Variants in MCPH1 observed in about 807,000 individuals in gnomAD.
MCPH1 encodes the protein microcephalin 1, also known as microcephalin.
A neutral mutation model predicts 84.5 loss-of-function variants in MCPH1; 104 were observed. The ratio of observed to expected loss-of-function variants is 1.23; its 90% confidence interval spans 1.05 to 1.45. The LOEUF (loss-of-function observed/expected upper bound fraction) is 1.45, where lower values mean the gene tolerates loss of function less well. Ranked by LOEUF, MCPH1 falls within the 40% of genes most tolerant of loss-of-function variation. MCPH1 has a pLI of 0.00. For synonymous variants in MCPH1, 514 were observed against 366.8 expected, an observed-to-expected ratio of 1.40 and a Z score of -4.58; for missense variants, 1,498 against 1,005.7, an observed-to-expected ratio of 1.49 and a Z score of -6.62.
rs1465638999 is a variant in MCPH1, at chr8:6,646,931, T to A, written c.*3882T>A. ...TTTCTTAGATATGACACTAAAGGCATAATTCATTAAAAAAATAAGTTGGGC... is the reference window on the plus strand; with the variant it reads ...TTTCTTAGATATGACACTAAAGGCAAAATTCATTAAAAAAATAAGTTGGGC... On this transcript the variant is annotated 3_prime_UTR_variant, in exon 14 of 14. Transcript: ENST00000344683. 1.3e-5 allele frequency: 2 copies of A among 152,118 alleles called. No homozygotes were observed. The highest frequency in any genetic ancestry group is 4.1e-4 in the South Asian group (2 of 4,828). The allele number at this position is 152,118 out of a possible 1,614,324, so 9.4% of individuals were successfully genotyped here. A position where few individuals can be genotyped will look rare whatever the true frequency, so the allele number is the denominator to read the frequency against.
chr8:6,553,021 T>A (rs907384060), intron 12 of MCPH1, among the ~76,000 whole-genome samples: 1 of 152,182 alleles, frequency 6.6e-6, no homozygotes, highest in African/African-American at 2.4e-5. Flanking sequence ...TGTGTGATGC[T>A]ACAATGGTGG....
At chr8:6,496,239 C>G (rs780894141) in intron 11 of MCPH1, among the ~76,000 whole-genome samples, 1 of 152,142 alleles carries the variant, frequency 6.6e-6, no homozygotes, top group African/African-American at 2.4e-5. Flanking sequence ...AGCATGCAAC[C>G]TAGATCCCTC....
intron 7 of MCPH1, among the ~76,000 whole-genome samples, chr8:6,442,359 T>TC (rs61663152): frequency 4.4e-4 from 67 of 152,074 alleles, no homozygotes; most frequent in Non-Finnish European, 9.4e-4. Context: ...AGGTTTTTTT[T>TC]CCTAGGCATT....
chr8:6,584,369 T>A (rs2515527), intron 12 of MCPH1, among the ~76,000 whole-genome samples: 150,039 of 152,272 alleles, frequency 0.99, 73,950 homozygotes, highest in Middle Eastern at 1. Flanking sequence ...ATGCAAACAG[T>A]AGTCGCCCCC....
intron 3 of MCPH1, among the ~76,000 whole-genome samples, chr8:6,431,229 G>A (rs1246670172): frequency 6.6e-6 from 1 of 152,038 alleles, no homozygotes; most frequent in African/African-American, 2.4e-5. Flanking sequence ...TAATTTTGAA[G>A]TATGCTACAA....
intron 12 of MCPH1, among the ~76,000 whole-genome samples, chr8:6,543,238 C>T (rs769709576): frequency 3.9e-5 from 6 of 152,180 alleles, no homozygotes; most frequent in Admixed American, 2.0e-4. Context: ...TTAATTTACA[C>T]GAAGACTCAG....
At chr8:6,472,176 C>A (rs1037691740) in intron 9 of MCPH1, among the ~76,000 whole-genome samples, 1 of 152,030 alleles carries the variant, frequency 6.6e-6, no homozygotes, top group African/African-American at 2.4e-5. Flanking sequence ...ACAAAATAGT[C>A]CCAAGACATA....
chr8:6,560,604 C>T (rs1382457229), intron 12 of MCPH1, among the ~76,000 whole-genome samples: 1 of 152,110 alleles, frequency 6.6e-6, no homozygotes, highest in Admixed American at 6.5e-5. Context: ...AAAAGATAAA[C>T]ATTAAGTCAT....
intron 11 of MCPH1, among the ~76,000 whole-genome samples, chr8:6,498,082 T>A (rs2129562022): frequency 6.6e-6 from 1 of 152,350 alleles, no homozygotes; most frequent in South Asian, 2.1e-4. Context: ...ACAGATGCAG[T>A]TCCTATTTAA....
At chr8:6,511,407 G>T (rs1440048959) in intron 12 of MCPH1, among the ~76,000 whole-genome samples, 2 of 152,096 alleles carry the variant, frequency 1.3e-5, no homozygotes, top group African/African-American at 4.8e-5. Flanking sequence ...GCCAGAATGT[G>T]TGTGAAAAGT....
intron 12 of MCPH1, among the ~76,000 whole-genome samples, chr8:6,593,406 G>C (rs1828672977): frequency 6.6e-6 from 1 of 151,634 alleles, no homozygotes; most frequent in East Asian, 1.9e-4. Flanking sequence ...TAAGGCTGCA[G>C]TGCAATGGCG....
At chr8:6,557,475 A>G (rs1295526252) in intron 12 of MCPH1, among the ~76,000 whole-genome samples, 1 of 152,126 alleles carries the variant, frequency 6.6e-6, no homozygotes, top group Non-Finnish European at 1.5e-5. Flanking sequence ...TTATATCAGA[A>G]TAATTCTAGA....
chr8:6,626,719 G>C (rs185741707), intron 13 of MCPH1: 2 of 985,298 alleles, frequency 2.0e-6, no homozygotes, highest in Non-Finnish European at 1.2e-6. Flanking sequence ...GGGTCTGAAG[G>C]AACTTGGCTG....
intron 11 of MCPH1, among the ~76,000 whole-genome samples, chr8:6,496,437 G>A (rs1811234875): frequency 6.6e-6 from 1 of 152,160 alleles, no homozygotes; most frequent in Non-Finnish European, 1.5e-5. Flanking sequence ...ATAGGCCACA[G>A]ACTGGTACCA....
intron 11 of MCPH1, among the ~76,000 whole-genome samples, chr8:6,493,153 T>A (rs767288598): frequency 6.6e-6 from 1 of 152,260 alleles, no homozygotes; most frequent in Admixed American, 6.5e-5. Context: ...TAGTTATTTA[T>A]AAAGATGTTT....
In MCPH1 at chr8:6,419,856, T is replaced by C. The variant is rs565807752; in HGVS notation, c.233+4973T>C. ...TATATTCTTCAGTTTTGTGTTTGCT[T>C]TTATTTTAGGGAGTGTGATGGGTTT... is the stretch of plus-strand genomic sequence containing the variant. On this transcript the variant is annotated intron_variant, in intron 3 of 13. Transcript: ENST00000344683. Among the ~76,000 whole-genome samples, 4 of 152,234 alleles carry C rather than the reference T, an allele frequency of 2.6e-5. No homozygotes were observed. In the East Asian group the frequency reaches 7.7e-4, roughly 29 times the overall value.
chr8:6,597,324 C>T (rs1183236566), intron 12 of MCPH1, among the ~76,000 whole-genome samples: 2 of 152,132 alleles, frequency 1.3e-5, no homozygotes, highest in Non-Finnish European at 2.9e-5. Context: ...CGTTTCCCAC[C>T]ATTGTCTTAT....
At chr8:6,594,754 C>G (rs544209197) in intron 12 of MCPH1, among the ~76,000 whole-genome samples, 10 of 150,344 alleles carry the variant, frequency 6.7e-5, no homozygotes, top group African/African-American at 2.2e-4. Flanking sequence ...CACTTGCCAT[C>G]TCTCATTTCT....
intron 12 of MCPH1, among the ~76,000 whole-genome samples, chr8:6,553,960 A>T (rs1326268112): frequency 1.3e-5 from 2 of 152,044 alleles, no homozygotes; most frequent in Admixed American, 6.6e-5. Context: ...TTCTGTGTGT[A>T]GCATGTCCAG....
Sources: allele counts gnomAD v4.1 joint callset (sites outside exome capture counted in the v4.1 genomes callset), GRCh38; gene constraint gnomAD v4.1.1; transcripts MANE v1.5; gene names NCBI Gene and HGNC (gene_info 2026-07-23, HGNC 2026-07-21).